The following XKR4 variants were observed in gnomAD, a reference collection of about 807,000 sequenced individuals.
XKR4 encodes XK-related protein 4.
A neutral mutation model predicts 53.9 loss-of-function variants in XKR4; 12 were observed. The observed-to-expected ratio is 0.22, with a 90% CI of 0.14 to 0.36. The LOEUF is 0.36. Among genes scored for constraint, XKR4 ranks in the 10% least tolerant of loss-of-function variants. The pLI, the probability that XKR4 is intolerant of heterozygous loss-of-function variation, is 1.00. For synonymous variants in XKR4, 354 were observed against 362.4 expected (o/e 0.98, Z 0.26); for missense variants, 799 against 859.5 (o/e 0.93, Z 0.88).
intron 1 of XKR4, chr8:55,161,637 G>C: frequency 6.6e-6 from 3 of 456,286 alleles, no homozygotes; most frequent in South Asian, 4.6e-5. Flanking sequence ...TGTTGCAGTG[G>C]GGATTGGGTA....
In XKR4 at chr8:55,346,722, T is replaced by TGTGTGTGC. The variant is rs1176163520; in HGVS notation, c.807-10952_807-10951insGTGCGTGT. ...GTGTGTGTGTGTGTGTGTGTGTGTGTGTGTTTAGAAAGCTTTGTAGCCAGG... is the reference window on the plus strand; with the variant it reads ...GTGTGTGTGTGTGTGTGTGTGTGTGTGTGTGTGCGTGTTTAGAAAGCTTTGTAGCCAGG... On this transcript the variant is annotated intron_variant, in intron 1 of 2. Transcript: ENST00000327381. 8.7e-5 allele frequency among the ~76,000 whole-genome samples: 13 copies of TGTGTGTGC among 148,644 alleles called. 1 individual carries two copies. The highest frequency in any genetic ancestry group is 1.9e-4 in the East Asian group (1 of 5,164).
chr8:55,329,496 C>T (rs1353259002), intron 1 of XKR4, among the ~76,000 whole-genome samples: 2 of 152,018 alleles, frequency 1.3e-5, no homozygotes, highest in African/African-American at 4.8e-5. Flanking sequence ...ATTGAACACC[C>T]CTGGTCTACA....
chr8:55,451,272 C>T, intron 2 of XKR4: 1 of 585,864 alleles, frequency 1.7e-6, no homozygotes, highest in Non-Finnish European at 3.1e-6. Context: ...GACACTGCCC[C>T]CACTTACCTC....
intron 1 of XKR4, among the ~76,000 whole-genome samples, chr8:55,141,883 C>T (rs1360353407): frequency 6.6e-6 from 1 of 152,082 alleles, no homozygotes; most frequent in Admixed American, 6.5e-5. Flanking sequence ...TGGGGGGTCC[C>T]GTGCTCACTG....
At chr8:55,142,092 T>C (rs536603774) in intron 1 of XKR4, 1 of 456,070 alleles carries the variant, frequency 2.2e-6, no homozygotes, top group East Asian at 7.0e-5. Context: ...TCTGGGCTGC[T>C]GGGGAGTCTT....
intron 1 of XKR4, among the ~76,000 whole-genome samples, chr8:55,115,345 G>C (rs1363707193): frequency 2.6e-5 from 4 of 151,558 alleles, no homozygotes; most frequent in Non-Finnish European, 2.9e-5. Flanking sequence ...AGTATAGCAA[G>C]GGTTGTTGCT....
chr8:55,289,496 C>A (rs1311207856), intron 1 of XKR4, among the ~76,000 whole-genome samples: 3 of 132,842 alleles, frequency 2.3e-5, no homozygotes, highest in African/African-American at 5.8e-5. Context: ...GCCTGGGAGG[C>A]AGAGTGAGAT....
At chr8:55,126,425 G>A (rs879126182) in intron 1 of XKR4, among the ~76,000 whole-genome samples, 1 of 152,216 alleles carries the variant, frequency 6.6e-6, no homozygotes, top group Admixed American at 6.5e-5. Flanking sequence ...TCCTGGCCAT[G>A]GGGCATCGAG....
At chr8:55,376,119 C>G (rs140325304) in intron 2 of XKR4, among the ~76,000 whole-genome samples, 1 of 152,096 alleles carries the variant, frequency 6.6e-6, no homozygotes, top group Non-Finnish European at 1.5e-5. Context: ...TTTCTCTAAC[C>G]GTTCTATCAT....
intron 2 of XKR4, chr8:55,450,411 G>GTA: frequency 1.7e-6 from 1 of 582,120 alleles, no homozygotes; most frequent in Non-Finnish European, 3.1e-6. Context: ...TGTGGAACAT[G>GTA]GCTGTCCTCT....
chr8:55,346,891 A>G (rs1407794985), intron 1 of XKR4, among the ~76,000 whole-genome samples: 1 of 152,260 alleles, frequency 6.6e-6, no homozygotes, highest in Non-Finnish European at 1.5e-5. Flanking sequence ...TACAAAAGAT[A>G]GCAAAATAAA....
chr8:55,320,583 G>A (rs1306069898), intron 1 of XKR4, among the ~76,000 whole-genome samples: 1 of 152,136 alleles, frequency 6.6e-6, no homozygotes, highest in African/African-American at 2.4e-5. Flanking sequence ...TTATCCAGAT[G>A]TTAAATTAGG....
At chr8:55,375,797 C>A (rs529101926) in intron 2 of XKR4, among the ~76,000 whole-genome samples, 16 of 151,448 alleles carry the variant, frequency 1.1e-4, no homozygotes, top group African/African-American at 3.6e-4. Context: ...GCAATGTGTG[C>A]CATGGTGGTT....
At chr8:55,507,602 G>A (rs573685689) in intron 2 of XKR4, among the ~76,000 whole-genome samples, 89 of 152,186 alleles carry the variant, frequency 5.8e-4, no homozygotes, top group African/African-American at 2.0e-3. Flanking sequence ...TGTGGTATTT[G>A]GTTTTTTGTC....
At chr8:55,122,589 G>A (rs1235901827) in intron 1 of XKR4, among the ~76,000 whole-genome samples, 3 of 152,196 alleles carry the variant, frequency 2.0e-5, no homozygotes, top group Non-Finnish European at 4.4e-5. Context: ...TAGTCAGTAT[G>A]TGAGCATGTC....
chr8:55,140,601 G>C (rs1010124469), intron 1 of XKR4, among the ~76,000 whole-genome samples: 9 of 152,200 alleles, frequency 5.9e-5, no homozygotes, highest in Admixed American at 5.9e-4. Context: ...TTCAACTTCT[G>C]AGTTTGTTGT....
At chr8:55,514,714 G>A (rs1187456752) in intron 2 of XKR4, among the ~76,000 whole-genome samples, 1 of 151,538 alleles carries the variant, frequency 6.6e-6, no homozygotes, top group Non-Finnish European at 1.5e-5. Flanking sequence ...TTTTTTAAAC[G>A]TGGGATGGAA....
At chr8:55,473,605 A>AT (rs915228860) in intron 2 of XKR4, among the ~76,000 whole-genome samples, 5 of 152,158 alleles carry the variant, frequency 3.3e-5, no homozygotes, top group Non-Finnish European at 5.9e-5. Context: ...TCAAAAAGGA[A>AT]TAAGTGTGCC....
intron 1 of XKR4, among the ~76,000 whole-genome samples, chr8:55,348,236 G>A (rs887506840): frequency 6.6e-6 from 1 of 152,128 alleles, no homozygotes; most frequent in Non-Finnish European, 1.5e-5. Context: ...TATGAGGGGG[G>A]AAAAGACCAG....
Sources: gnomAD v4.1 joint callset for allele counts (sites outside exome capture counted in the v4.1 genomes callset) on GRCh38, gnomAD v4.1.1 for gene constraint, MANE v1.5 for transcripts, NCBI Gene and HGNC (gene_info 2026-07-23, HGNC 2026-07-21) for gene names.